Variants in BLTP3B observed in about 807,000 individuals in gnomAD.
The protein encoded by BLTP3B is UHRF1 (ICBP90) binding protein 1-like.
chr12:100,095,612 T>C, the BLTP3B span: 3 of 1,561,408 alleles, frequency 1.9e-6, no homozygotes, highest in Non-Finnish European at 2.6e-6. Flanking sequence ...TCCTTCTAAT[T>C]TTTAAACTAT....
chr12:100,097,243 C>T, the BLTP3B span: 5 of 967,820 alleles, frequency 5.2e-6, no homozygotes, highest in African/African-American at 5.0e-5. Context: ...TGGTAATATG[C>T]CAATATTTCA....
the BLTP3B span, among the ~76,000 whole-genome samples, chr12:100,139,601 AG>A: frequency 2.6e-5 from 4 of 152,348 alleles, no homozygotes; most frequent in Non-Finnish European, 5.9e-5. Context: ...CTAAAGCCAC[AG>A]GGAAACTGGT....
chr12:100,140,565 C>T, the BLTP3B span, among the ~76,000 whole-genome samples: 2 of 150,790 alleles, frequency 1.3e-5, no homozygotes, highest in Middle Eastern at 3.4e-3. Context: ...ATTAGCCAGG[C>T]GTGGTGGCGC....
chr12:100,077,431 A>G, the BLTP3B span, among the ~76,000 whole-genome samples: 1 of 152,242 alleles, frequency 6.6e-6, no homozygotes, highest in Non-Finnish European at 1.5e-5. Context: ...TAATGAGAAA[A>G]TAACTGTTAA....
chr12:100,096,671 A>C, the BLTP3B span, among the ~76,000 whole-genome samples: 2 of 151,916 alleles, frequency 1.3e-5, no homozygotes, highest in Admixed American at 1.3e-4. Context: ...AAAAATAAAA[A>C]TAAGCTAGGC....
chr12:100,039,795 C>T, the BLTP3B span: 1 of 1,604,948 alleles, frequency 6.2e-7, no homozygotes, highest in South Asian at 1.1e-5. Context: ...AGAATCTGAT[C>T]AAACAAATAA....
the BLTP3B span, among the ~76,000 whole-genome samples, chr12:100,099,566 G>A: frequency 1.3e-5 from 2 of 150,776 alleles, no homozygotes; most frequent in South Asian, 2.1e-4. Context: ...GGACAACACA[G>A]ACAGATCTCG....
the BLTP3B span, chr12:100,103,860 C>T: frequency 1.1e-5 from 15 of 1,372,154 alleles, no homozygotes; most frequent in South Asian, 2.3e-4. Context: ...AACAGAGTAG[C>T]TAGATAATGT....
chr12:100,062,369 T>C, the BLTP3B span, among the ~76,000 whole-genome samples: 2 of 152,246 alleles, frequency 1.3e-5, no homozygotes, highest in Admixed American at 6.5e-5. Context: ...TAAGAGATTA[T>C]AAAAGTTGGA....
the BLTP3B span, among the ~76,000 whole-genome samples, chr12:100,049,191 T>A: frequency 3.0e-4 from 45 of 152,166 alleles, no homozygotes; most frequent in Non-Finnish European, 5.9e-4. Flanking sequence ...GGACCAAAAA[T>A]GAGCTCCCTA....
At chr12:100,105,495 A>G in the BLTP3B span, among the ~76,000 whole-genome samples, 1 of 152,214 alleles carries the variant, frequency 6.6e-6, no homozygotes, top group African/African-American at 2.4e-5. Flanking sequence ...CACATGTAGA[A>G]GAATGAAATT....
the BLTP3B span, chr12:100,095,626 C>T: frequency 6.4e-7 from 1 of 1,568,854 alleles, no homozygotes; most frequent in African/African-American, 1.4e-5. Flanking sequence ...AAACTATTTT[C>T]ATGTAAAGTA....
chr12:100,120,379 G>T, the BLTP3B span, among the ~76,000 whole-genome samples: 1 of 150,702 alleles, frequency 6.6e-6, no homozygotes, highest in African/African-American at 2.4e-5. Context: ...TCTCAAAAAA[G>T]AAAAAAATAA....
At chr12:100,046,222 C>T in the BLTP3B span, among the ~76,000 whole-genome samples, 4 of 152,202 alleles carry the variant, frequency 2.6e-5, no homozygotes, top group South Asian at 4.1e-4. Flanking sequence ...AATCCCATTA[C>T]TGGCTATATA....
the BLTP3B span, among the ~76,000 whole-genome samples, chr12:100,138,661 A>G: frequency 6.6e-6 from 1 of 152,232 alleles, no homozygotes; most frequent in African/African-American, 2.4e-5. Flanking sequence ...AGGTGAGGTG[A>G]ATGTCTGCCC....
At chr12:100,064,745 A>G in the BLTP3B span, among the ~76,000 whole-genome samples, 1 of 152,162 alleles carries the variant, frequency 6.6e-6, no homozygotes, top group Non-Finnish European at 1.5e-5. Flanking sequence ...TGCTGAGACA[A>G]TTTACCACTA....
chr12:100,138,336 T>G, the BLTP3B span, among the ~76,000 whole-genome samples: 4 of 152,218 alleles, frequency 2.6e-5, no homozygotes, highest in Non-Finnish European at 5.9e-5. Flanking sequence ...CTTTCTGATG[T>G]TTGCAGGCAA....
At chr12:100,077,574 C>G in the BLTP3B span, among the ~76,000 whole-genome samples, 1 of 152,220 alleles carries the variant, frequency 6.6e-6, no homozygotes, top group African/African-American at 2.4e-5. Flanking sequence ...AGCAGCATCC[C>G]TGTCCAGTTG....
the BLTP3B span, among the ~76,000 whole-genome samples, chr12:100,104,209 T>C: frequency 2.0e-5 from 3 of 148,936 alleles, no homozygotes; most frequent in South Asian, 4.2e-4. Context: ...TTTTTCTTTT[T>C]TTTTTTTTTT....
Sources: allele counts gnomAD v4.1 joint callset (sites outside exome capture counted in the v4.1 genomes callset), GRCh38; gene constraint gnomAD v4.1.1; transcripts MANE v1.5; gene names NCBI Gene and HGNC (gene_info 2026-07-23, HGNC 2026-07-21).